The following SYT14 variants were observed in gnomAD, a reference collection of about 807,000 sequenced individuals.
SYT14 encodes synaptotagmin 14.
SYT14 carries 32 observed loss-of-function variants against 74.2 expected under a neutral mutation model. The ratio of observed to expected loss-of-function variants is 0.43; its 90% CI spans 0.33 to 0.58. SYT14 has a LOEUF of 0.58. Among genes scored for constraint, SYT14 ranks in the 20% least tolerant of loss-of-function variants. The probability of loss-of-function intolerance (pLI) is 0.05; values close to 1 mark genes in which losing one functional copy is unlikely to be tolerated. For missense variants in SYT14, 791 were observed against 981.8 expected, an observed-to-expected ratio of 0.81 and a Z score of 2.60; for synonymous variants, 298 against 337.7, an observed-to-expected ratio of 0.88 and a Z score of 1.29.
intron 5 of SYT14, among the ~76,000 whole-genome samples, chr1:210,088,115 T>G (rs565066027): frequency 1.3e-5 from 2 of 152,290 alleles, no homozygotes; most frequent in Admixed American, 1.3e-4. Context: ...GGTTTTTTAT[T>G]TAATTTCTGC....
chr1:210,155,837 C>A lies in SYT14; in HGVS notation c.2151C>A (p.Ala717=), dbSNP rs747503511. 25 of 1,613,942 alleles carry A rather than the reference C, an allele frequency of 1.5e-5. No individual in the cohort carries two copies. In the South Asian group the frequency reaches 2.3e-4, roughly 15 times the overall value. ...TTCTTATTGGCCTGCTTTATAATGC[C>A]ACAACTGGAAGACTATCAGCAGAAG... The change falls in exon 8 of 10, where the codon GCC becomes GCA. Residue 717 remains alanine, a synonymous_variant. Transcript: ENST00000637265.
intron 7 of SYT14, among the ~76,000 whole-genome samples, chr1:210,141,432 T>C (rs191066691): frequency 2.6e-5 from 4 of 152,342 alleles, no homozygotes; most frequent in African/African-American, 4.8e-5. Flanking sequence ...GTAGTTATTT[T>C]CTTCATGTGC....
chr1:210,125,375 C>T (rs1176265222), intron 7 of SYT14, among the ~76,000 whole-genome samples: 2 of 152,152 alleles, frequency 1.3e-5, no homozygotes, highest in Non-Finnish European at 2.9e-5. Context: ...GGTGTTGCTG[C>T]AAAGGATATG....
At chr1:210,099,960 T>A in intron 6 of SYT14, 52 bp from the exon 6 acceptor site, 1 of 1,477,770 alleles carries the variant, frequency 6.8e-7, no homozygotes, top group Non-Finnish European at 9.4e-7. Flanking sequence ...ATTTACATGC[T>A]AGGTTAAATA....
In SYT14 at chr1:210,129,041, T is replaced by C. The variant is rs1466327191; in HGVS notation, c.2035-26680T>C. On this transcript the variant is annotated intron_variant, in intron 7 of 9. Coordinates refer to ENST00000637265, the Ensembl canonical transcript of SYT14. ...AAAAATAGCTTCAGGAGTAGAATTA[T>C]AAAGAAGTACAAATGAAATTATAGT... is the stretch of plus-strand genomic sequence containing the variant. 2.6e-5 allele frequency among the ~76,000 whole-genome samples: 4 copies of C among 152,212 alleles called. No homozygotes were observed. In the South Asian group the frequency reaches 6.2e-4, roughly 24 times the overall value.
intron 7 of SYT14, among the ~76,000 whole-genome samples, chr1:210,140,837 A>G (rs1241106279): frequency 2.0e-5 from 3 of 152,142 alleles, no homozygotes; most frequent in Non-Finnish European, 4.4e-5. Flanking sequence ...TGAACTGTCA[A>G]TTATAGTTCG....
At chr1:209,980,759 G>A (rs2079469488) in intron 2 of SYT14, among the ~76,000 whole-genome samples, 1 of 152,042 alleles carries the variant, frequency 6.6e-6, no homozygotes, top group Non-Finnish European at 1.5e-5. Context: ...GATGGTTGTA[G>A]GTGTGCAGTC....
chr1:210,051,205 A>G (rs2080988217), intron 5 of SYT14, among the ~76,000 whole-genome samples: 1 of 152,202 alleles, frequency 6.6e-6, no homozygotes, highest in South Asian at 2.1e-4. Context: ...TAGTTTAGGT[A>G]TTGCTACTTA....
chr1:210,080,711 T>C (rs1162401712), intron 5 of SYT14, among the ~76,000 whole-genome samples: 1 of 152,214 alleles, frequency 6.6e-6, no homozygotes, highest in Non-Finnish European at 1.5e-5. Context: ...CACATTAACA[T>C]CTAAACAGAG....
intron 2 of SYT14, among the ~76,000 whole-genome samples, chr1:209,983,404 T>C (rs2079522048): frequency 6.6e-6 from 1 of 152,156 alleles, no homozygotes; most frequent in Admixed American, 6.5e-5. Context: ...CTTCTTTTTT[T>C]CCCCCTGCTC....
intron 1 of SYT14, among the ~76,000 whole-genome samples, chr1:209,943,523 A>G (rs900723077): frequency 6.6e-6 from 1 of 151,058 alleles, no homozygotes; most frequent in African/African-American, 2.4e-5. Context: ...AAAAAAAAAA[A>G]AAAAAAAAAA....
chr1:209,977,974 AC>A (rs777729918), intron 2 of SYT14, among the ~76,000 whole-genome samples: 2 of 152,082 alleles, frequency 1.3e-5, no homozygotes, highest in Admixed American at 1.3e-4. Flanking sequence ...CATCACTGAT[AC>A]CCTTTCTTCC....
Position 210,018,216 on chromosome 1 carries a change from C to T in SYT14, c.1096+1117C>T, listed in dbSNP as rs559045432. Among the ~76,000 whole-genome samples the T allele has an allele frequency of 7.2e-5, 11 of 152,334 alleles. No homozygotes were observed. In the East Asian group the frequency reaches 1.9e-3, roughly 27 times the overall value. The stretch of plus-strand genomic sequence containing the variant: ...TGGTGCAATCTCGGCTCACTGCCAT[C>T]TCTGCCTCCCGGGTTCAAGCGATTC... On this transcript the variant is annotated intron_variant, in intron 4 of 9. Coordinates refer to ENST00000637265, the Ensembl canonical transcript of SYT14.
chr1:210,137,304 C>A (rs946473182), intron 7 of SYT14, among the ~76,000 whole-genome samples: 1 of 152,080 alleles, frequency 6.6e-6, no homozygotes, highest in East Asian at 1.9e-4. Context: ...CATACCCCCA[C>A]CAAAAATCAT....
chr1:210,127,529 A>G (rs1243140532), intron 7 of SYT14, among the ~76,000 whole-genome samples: 1 of 152,190 alleles, frequency 6.6e-6, no homozygotes, highest in African/African-American at 2.4e-5. Context: ...AGCCCTTCCA[A>G]CAAGAAATGA....
chr1:210,075,496 G>A (rs937423168), intron 5 of SYT14, among the ~76,000 whole-genome samples: 1 of 151,912 alleles, frequency 6.6e-6, no homozygotes, highest in East Asian at 1.9e-4. Context: ...CACCACGCCC[G>A]GCTAATTTTT....
chr1:209,996,126 A>G (rs1484511478), intron 2 of SYT14, among the ~76,000 whole-genome samples: 5 of 152,136 alleles, frequency 3.3e-5, no homozygotes, highest in African/African-American at 1.2e-4. Flanking sequence ...AAGAACTAAA[A>G]TTAGAGAAGA....
intron 6 of SYT14, among the ~76,000 whole-genome samples, chr1:210,099,274 G>C (rs1009951116): frequency 6.6e-6 from 1 of 152,026 alleles, no homozygotes; most frequent in African/African-American, 2.4e-5. Context: ...CAGGAAAAAT[G>C]GTTATAATTT....
Position 209,946,363 on chromosome 1 carries a change from A to G in SYT14, c.-533-6346A>G, listed in dbSNP as rs544915302. On this transcript the variant is annotated intron_variant, in intron 1 of 9. Transcript: ENST00000637265. Reference sequence around the variant, plus strand: ...AGGTGAAGTTGTGAATGCAAAGGAAAAGTTCTTGAAGGAAATTAACAGTGC... The same window carrying G: ...AGGTGAAGTTGTGAATGCAAAGGAAGAGTTCTTGAAGGAAATTAACAGTGC... 5.9e-5 allele frequency among the ~76,000 whole-genome samples: 9 copies of G among 152,358 alleles called. No individual in the cohort carries two copies. The East Asian group carries it at 9.6e-4, about 16-fold the overall frequency.
Sources: allele counts gnomAD v4.1 joint callset (sites outside exome capture counted in the v4.1 genomes callset), GRCh38; gene constraint gnomAD v4.1.1; transcripts MANE v1.5; gene names NCBI Gene and HGNC (gene_info 2026-07-23, HGNC 2026-07-21).